Variants in TMEM163 observed in about 807,000 individuals in gnomAD.
The protein encoded by TMEM163 is transmembrane protein 163.
Under a neutral mutation model 29.3 loss-of-function variants are expected in TMEM163, and 17 were observed. That is an observed-to-expected ratio of 0.58 (90% CI 0.40 to 0.87). The LOEUF (loss-of-function observed/expected upper bound fraction) is 0.87, where lower values mean the gene tolerates loss of function less well. Ranked by LOEUF, TMEM163 falls within the 40% of genes least tolerant of loss-of-function variation. The pLI is 0.00. For synonymous variants in TMEM163, 157 were observed against 160.6 expected (o/e 0.98, Z 0.17); for missense variants, 303 against 381.5 (o/e 0.79, Z 1.71).
intron 2 of TMEM163, among the ~76,000 whole-genome samples, chr2:134,689,044 C>T (rs1684404617): frequency 6.6e-6 from 1 of 151,538 alleles, no homozygotes; most frequent in South Asian, 2.1e-4. Context: ...ATAAAAATAT[C>T]AGCAAAATTA....
intron 5 of TMEM163, chr2:134,467,112 A>G (rs545106552): frequency 6.6e-6 from 1 of 152,350 alleles, no homozygotes; most frequent in Admixed American, 6.5e-5. Context: ...CATGTTCAAA[A>G]CTGAACAAAG....
At chr2:134,629,017 G>A (rs898738231) in intron 2 of TMEM163, among the ~76,000 whole-genome samples, 2 of 152,190 alleles carry the variant, frequency 1.3e-5, no homozygotes, top group African/African-American at 4.8e-5. Context: ...TCAGCTAGTT[G>A]CAAAATATGA....
chr2:134,655,922 T>C (rs374421887), intron 2 of TMEM163, among the ~76,000 whole-genome samples: 3,979 of 140,528 alleles, frequency 0.028, 155 homozygotes, highest in Admixed American at 0.066. Context: ...TCTCCAGCTG[T>C]GTGCTGGGAG....
chr2:134,627,476 A>G (rs1682878712), intron 2 of TMEM163, among the ~76,000 whole-genome samples: 1 of 152,228 alleles, frequency 6.6e-6, no homozygotes, highest in Non-Finnish European at 1.5e-5. Context: ...ATTGCAAATA[A>G]TAATAGAAAA....
chr2:134,595,852 T>G (rs1393353182), intron 2 of TMEM163, among the ~76,000 whole-genome samples: 1 of 152,246 alleles, frequency 6.6e-6, no homozygotes, highest in Non-Finnish European at 1.5e-5. Flanking sequence ...TGATTTGCAT[T>G]TCTCTGATGG....
chr2:134,676,680 A>G (rs997921823), intron 2 of TMEM163, among the ~76,000 whole-genome samples: 1 of 152,194 alleles, frequency 6.6e-6, no homozygotes, highest in Admixed American at 6.5e-5. Context: ...CGGTCCCTCA[A>G]CAGCCCCAGT....
chr2:134,493,920 T>C (rs1254190571), intron 5 of TMEM163, among the ~76,000 whole-genome samples: 1 of 152,188 alleles, frequency 6.6e-6, no homozygotes, highest in Non-Finnish European at 1.5e-5. Context: ...AAAAACCACT[T>C]GACTAGATAT....
intron 2 of TMEM163, among the ~76,000 whole-genome samples, chr2:134,703,832 T>C (rs553686525): frequency 1.4e-5 from 2 of 145,222 alleles, no homozygotes; most frequent in South Asian, 2.2e-4. Context: ...TATAACTACA[T>C]CCATGTTAGA....
At chr2:134,663,769 G>A (rs1022624823) in intron 2 of TMEM163, among the ~76,000 whole-genome samples, 20 of 152,340 alleles carry the variant, frequency 1.3e-4, no homozygotes, top group East Asian at 5.8e-4. Context: ...TAGGCAGCAC[G>A]CCGGCTGCCC....
At chr2:134,559,210 C>A (rs1177970237) in intron 2 of TMEM163, among the ~76,000 whole-genome samples, 1 of 152,092 alleles carries the variant, frequency 6.6e-6, no homozygotes, top group African/African-American at 2.4e-5. Flanking sequence ...AACATCACAG[C>A]CAGCCTGCCT....
chr2:134,483,166 C>A (rs1297719064), intron 5 of TMEM163, among the ~76,000 whole-genome samples: 1 of 152,152 alleles, frequency 6.6e-6, no homozygotes, highest in Non-Finnish European at 1.5e-5. Context: ...AAGGAAGCAC[C>A]GTCAGTTTGC....
At chr2:134,486,249 A>G (rs904702883) in intron 5 of TMEM163, among the ~76,000 whole-genome samples, 1 of 152,220 alleles carries the variant, frequency 6.6e-6, no homozygotes, top group African/African-American at 2.4e-5. Context: ...TGCTAAAACC[A>G]AAAAGATAAA....
At chr2:134,628,759 T>C (rs1004478668) in intron 2 of TMEM163, among the ~76,000 whole-genome samples, 1 of 152,230 alleles carries the variant, frequency 6.6e-6, no homozygotes, top group Non-Finnish European at 1.5e-5. Context: ...CCGTCTCCCT[T>C]TGCTGATTTT....
At chr2:134,521,753 A>G (rs1456649757) in intron 4 of TMEM163, among the ~76,000 whole-genome samples, 7 of 152,188 alleles carry the variant, frequency 4.6e-5, no homozygotes, top group Admixed American at 3.3e-4. Context: ...GTGAACATCA[A>G]CTTCGCTGAA....
rs1199449063 is a variant in TMEM163, at chr2:134,456,431, C to T, written c.*285G>A. The T allele has an allele frequency of 2.3e-6, 1 of 442,382 alleles. No individual in the cohort carries two copies. Among genetic ancestry groups the T allele is most frequent in the Non-Finnish European group, 4.2e-6 (1 of 239,670 alleles). The allele number at this position is 442,382 out of a possible 1,614,324, so 27.4% of individuals were successfully genotyped here. On this transcript the variant is annotated 3_prime_UTR_variant, in exon 8 of 8. Coordinates refer to ENST00000281924, the MANE Select transcript of TMEM163 (RefSeq NM_030923.5). ...AAGACCTTTCTGCCAAAGATCTCAT[C>T]CTACCCATGAGAACCATCATACTCC...
At chr2:134,593,908 C>G (rs944904033) in intron 2 of TMEM163, among the ~76,000 whole-genome samples, 5 of 151,872 alleles carry the variant, frequency 3.3e-5, no homozygotes, top group Middle Eastern at 3.4e-3. Context: ...CAGCCCCCAT[C>G]TAGCCTTCCT....
rs116687788 is a variant in TMEM163 at position 134,663,298 on chromosome 2, A to G, written c.322+49902T>C. 6.5e-3 allele frequency among the ~76,000 whole-genome samples: 986 copies of G among 152,306 alleles called. 17 individuals carry two copies. Among genetic ancestry groups the G allele is most frequent in the African/African-American group, 0.023 (949 of 41,558 alleles). On this transcript the variant is annotated intron_variant, in intron 2 of 7. Coordinates refer to ENST00000281924, the MANE Select transcript of TMEM163 (RefSeq NM_030923.5). ...TGACTTACATCTTCTGTTTGTCCTA[A>G]TATTTCAAGGCCTGCTGGGTGGACC...
At chr2:134,714,321 GGTTGA>G in intron 1 of TMEM163, among the ~76,000 whole-genome samples, 1 of 152,310 alleles carries the variant, frequency 6.6e-6, no homozygotes, top group Middle Eastern at 3.4e-3. Flanking sequence ...AACTTTCAGA[GGTTGA>G]GCAGCCTCAT....
intron 2 of TMEM163, among the ~76,000 whole-genome samples, chr2:134,616,061 G>A (rs887304255): frequency 6.6e-6 from 1 of 152,214 alleles, no homozygotes; most frequent in Admixed American, 6.5e-5. Flanking sequence ...TTACCAGTAT[G>A]ATTCGGGAGG....
Sources: gnomAD v4.1 joint callset for allele counts (sites outside exome capture counted in the v4.1 genomes callset) on GRCh38, gnomAD v4.1.1 for gene constraint, MANE v1.5 for transcripts, NCBI Gene and HGNC (gene_info 2026-07-23, HGNC 2026-07-21) for gene names.